The following CHD1 variants were observed in gnomAD, a reference collection of about 807,000 sequenced individuals.
The protein encoded by CHD1 is ATP-dependent chromatin remodeler CHD1.
CHD1 carries 36 observed loss-of-function variants against 224.2 expected under a neutral mutation model. The ratio of observed to expected loss-of-function variants is 0.16; its 90% CI spans 0.12 to 0.21. CHD1 has a LOEUF of 0.21. Among genes scored for constraint, CHD1 ranks in the 10% least tolerant of loss-of-function variants. The pLI, the probability that CHD1 is intolerant of heterozygous loss-of-function variation, is 1.00. For missense variants in CHD1, 1,378 were observed against 1,994.8 expected, an observed-to-expected ratio of 0.69 and a Z score of 5.89; for synonymous variants, 668 against 658.3, an observed-to-expected ratio of 1.01 and a Z score of -0.23.
At chr5:98,916,645 T>A (rs907333501) in intron 2 of CHD1, among the ~76,000 whole-genome samples, 5 of 151,918 alleles carry the variant, frequency 3.3e-5, no homozygotes, top group African/African-American at 1.2e-4. Context: ...ACCAGCAATA[T>A]GTAATTTTAA....
At chr5:98,926,848 T>C (rs1462566072) in intron 1 of CHD1, among the ~76,000 whole-genome samples, 2 of 140,098 alleles carry the variant, frequency 1.4e-5, no homozygotes. Context: ...GGTGATACGA[T>C]GTAACATATG....
intron 30 of CHD1, chr5:98,869,114 T>C (rs1749123350): frequency 3.2e-6 from 3 of 932,060 alleles, no homozygotes; most frequent in Admixed American, 6.2e-5. Context: ...CTTATCCTCT[T>C]TTTCTTTTAT....
intron 2 of CHD1, among the ~76,000 whole-genome samples, chr5:98,911,363 A>T (rs957100038): frequency 1.4e-4 from 22 of 151,896 alleles, no homozygotes; most frequent in African/African-American, 5.1e-4. Flanking sequence ...GAGGGCTCTG[A>T]TAGAGCTCTG....
At chr5:98,917,865 T>C (rs1459729266) in intron 2 of CHD1, among the ~76,000 whole-genome samples, 7 of 152,178 alleles carry the variant, frequency 4.6e-5, no homozygotes, top group African/African-American at 1.4e-4. Context: ...TGATACATAA[T>C]ATATTTTCAA....
intron 35 of CHD1, among the ~76,000 whole-genome samples, chr5:98,857,581 T>G (rs1054097099): frequency 1.3e-5 from 2 of 152,120 alleles, no homozygotes; most frequent in African/African-American, 4.8e-5. Flanking sequence ...TCAAGTTTAC[T>G]TTTAGTAGTG....
intron 32 of CHD1, among the ~76,000 whole-genome samples, chr5:98,860,886 C>A (rs1034310305): frequency 2.0e-5 from 3 of 152,082 alleles, no homozygotes; most frequent in Non-Finnish European, 4.4e-5. Context: ...ATTCATCTAG[C>A]CTTTATATAA....
intron 31 of CHD1, among the ~76,000 whole-genome samples, chr5:98,867,665 CCT>C (rs1469983065): frequency 3.9e-5 from 6 of 152,110 alleles, no homozygotes; most frequent in African/African-American, 1.4e-4. Context: ...TTGTTAAACC[CCT>C]CTTCTTAAAA....
chr5:98,898,410 G>C lies in CHD1; in HGVS notation c.1211C>G (p.Ala404Gly). ...IIAHSNQKSA[A>G]GYPDYYCKWQ... The stretch of plus-strand genomic sequence containing the variant: ...TTTGCAGTAATAATCAGGATAACCA[G>C]CTGCTGACTTTTGATTGGAATGAGC... The change falls in exon 10 of 36, where the codon GCT becomes GGT. Residue 404 changes from alanine (A) to glycine (G), a missense_variant. Coordinates refer to ENST00000614616, the MANE Select transcript of CHD1 (RefSeq NM_001270.4). The C allele has an allele frequency of 1.3e-6, 2 of 1,576,286 alleles. No individual in the cohort carries two copies. The highest frequency in any genetic ancestry group is 1.7e-6 in the Non-Finnish European group (2 of 1,167,190).
At chr5:98,857,804 G>A (rs1415410387) in intron 35 of CHD1, among the ~76,000 whole-genome samples, 2 of 151,852 alleles carry the variant, frequency 1.3e-5, no homozygotes, top group East Asian at 1.9e-4. Context: ...TTAAAAATAT[G>A]GAATGCAAAA....
At chr5:98,882,626 C>T (rs1750276719) in intron 19 of CHD1, among the ~76,000 whole-genome samples, 1 of 152,062 alleles carries the variant, frequency 6.6e-6, no homozygotes, top group Non-Finnish European at 1.5e-5. Context: ...AGTAAATTTT[C>T]CCTATTTCTC....
In CHD1 at chr5:98,888,166, T is replaced by G; in HGVS notation, c.2418A>C (p.Arg806=). 1 of 1,610,772 alleles carries G rather than the reference T, an allele frequency of 6.2e-7. No homozygotes were observed. The highest frequency in any genetic ancestry group is 8.5e-7 in the Non-Finnish European group (1 of 1,177,612). The stretch of plus-strand genomic sequence containing the variant: ...GCACCATTTGTGAAAAAATAAGAAC[T>G]CGATTGCCTCGTTCTCTTAGGCGAA... ...LLIRLRERGN[R]VLIFSQMVRM... is the part of the protein sequence containing the mutation. The change falls in exon 17 of 36, where the codon CGA becomes CGC. Residue 806 remains arginine, a synonymous_variant. Coordinates refer to ENST00000614616, the MANE Select transcript of CHD1 (RefSeq NM_001270.4).
intron 26 of CHD1, among the ~76,000 whole-genome samples, chr5:98,873,386 G>C (rs369003247): frequency 6.6e-6 from 1 of 152,234 alleles, no homozygotes; most frequent in African/African-American, 2.4e-5. Context: ...GACAGAAAAT[G>C]TCAGGGGAAT....
chr5:98,860,136 C>G (rs1357525782), intron 32 of CHD1, 68 bp from the exon 33 acceptor site: 1 of 812,600 alleles, frequency 1.2e-6, no homozygotes, highest in South Asian at 1.4e-5. Context: ...TTTCATGGAA[C>G]TCCTTCCCTC....
At chr5:98,865,864 G>A (rs1295382673) in intron 31 of CHD1, among the ~76,000 whole-genome samples, 1 of 152,128 alleles carries the variant, frequency 6.6e-6, no homozygotes, top group African/African-American at 2.4e-5. Flanking sequence ...TAAGATTAAT[G>A]GAGAGGAAAT....
intron 2 of CHD1, among the ~76,000 whole-genome samples, chr5:98,911,144 AAAATATATATATATATATAT>A (rs1438151528): frequency 1.4e-5 from 1 of 73,760 alleles, no homozygotes; most frequent in Non-Finnish European, 2.6e-5. Context: ...AAAAAAAAAA[AAAATATATATATATATATAT>A]ATATATATAT....
In CHD1 at chr5:98,889,157, C is replaced by T; in HGVS notation, c.2262G>A (p.Glu754=). The change falls in exon 16 of 36, where the codon GAG becomes GAA. Residue 754 remains glutamate (E), a synonymous_variant. Coordinates refer to ENST00000614616, the MANE Select transcript of CHD1 (RefSeq NM_001270.4). ...AGCAATGGTTACAACATTTCTTTAG[C>T]TCCATCATAATGTTCAAAAAGCCTG... The part of the protein sequence containing the change: ...STSGFLNIMM[E]LKKCCNHCYL... 1.2e-6 allele frequency: 2 copies of T among 1,607,434 alleles called. No individual in the cohort carries two copies. The highest frequency in any genetic ancestry group is 1.7e-4 in the Middle Eastern group (1 of 6,050).
intron 15 of CHD1, among the ~76,000 whole-genome samples, chr5:98,890,009 CACACATGG>C (rs1366468586): frequency 6.6e-6 from 1 of 152,098 alleles, no homozygotes; most frequent in African/African-American, 2.4e-5. Context: ...AAACACTGAG[CACACATGG>C]ACATAAACAT....
chr5:98,923,026 T>C (rs1347068721), intron 2 of CHD1, among the ~76,000 whole-genome samples: 4 of 152,188 alleles, frequency 2.6e-5, no homozygotes, highest in Admixed American at 2.0e-4. Context: ...TTAATATTCA[T>C]AGTTATAGAA....
chr5:98,884,557 T>C (rs1750507188), intron 18 of CHD1, among the ~76,000 whole-genome samples: 1 of 152,070 alleles, frequency 6.6e-6, no homozygotes, highest in South Asian at 2.1e-4. Context: ...TTTGGTTCAG[T>C]GTATACTGCT....
Sources: allele counts gnomAD v4.1 joint callset (sites outside exome capture counted in the v4.1 genomes callset), GRCh38; gene constraint gnomAD v4.1.1; transcripts MANE v1.5; gene names NCBI Gene and HGNC (gene_info 2026-07-23, HGNC 2026-07-21).